The following RAB38 variants were observed in gnomAD, a reference collection of about 807,000 sequenced individuals.
RAB38 encodes ras-related protein Rab-38.
RAB38 carries 15 observed loss-of-function variants against 18.4 expected under a neutral mutation model. That is an observed-to-expected ratio of 0.82 (90% CI 0.55 to 1.26). The LOEUF is 1.26. Ranked by LOEUF, RAB38 falls within the 50% of genes most tolerant of loss-of-function variation. The pLI is 0.00. For missense variants in RAB38, 294 were observed against 267.4 expected (o/e 1.10, Z -0.69); for synonymous variants, 101 against 104.4 (o/e 0.97, Z 0.20).
chr11:87,929,183 T>C, the RAB38 span, among the ~76,000 whole-genome samples: 6 of 152,110 alleles, frequency 3.9e-5, no homozygotes, highest in East Asian at 9.7e-4. Context: ...TAGAGGTAAA[T>C]ACTGTTAACA....
the RAB38 span, among the ~76,000 whole-genome samples, chr11:87,964,923 A>T: frequency 6.6e-6 from 1 of 152,190 alleles, no homozygotes; most frequent in Non-Finnish European, 1.5e-5. Context: ...GCTCACTTGC[A>T]TCCCAATATG....
chr11:88,034,453 G>A, the RAB38 span, among the ~76,000 whole-genome samples: 1 of 152,198 alleles, frequency 6.6e-6, no homozygotes, highest in Non-Finnish European at 1.5e-5. Context: ...GGCTGTAACA[G>A]TTTACATTCC....
At chr11:88,096,484 T>C in the RAB38 span, among the ~76,000 whole-genome samples, 2 of 151,944 alleles carry the variant, frequency 1.3e-5, no homozygotes, top group African/African-American at 4.8e-5. Context: ...GCAAAACTCA[T>C]TAACACCTAA....
the RAB38 span, among the ~76,000 whole-genome samples, chr11:87,940,403 T>A: frequency 6.6e-6 from 1 of 152,096 alleles, no homozygotes; most frequent in Non-Finnish European, 1.5e-5. Context: ...TATCTGTTAC[T>A]AAAATGATCA....
At chr11:88,034,400 G>T in the RAB38 span, among the ~76,000 whole-genome samples, 1 of 152,194 alleles carries the variant, frequency 6.6e-6, no homozygotes, top group South Asian at 2.1e-4. Context: ...TACAGTGGTT[G>T]TATGTTTTAT....
the RAB38 span, among the ~76,000 whole-genome samples, chr11:87,845,687 G>T: frequency 6.6e-6 from 1 of 152,034 alleles, no homozygotes. Context: ...TATAAATTCA[G>T]AATGCTTGGT....
chr11:88,061,203 T>C, the RAB38 span, among the ~76,000 whole-genome samples: 1 of 152,200 alleles, frequency 6.6e-6, no homozygotes, highest in Non-Finnish European at 1.5e-5. Context: ...AATAATGTAT[T>C]CTACTTTGAG....
the RAB38 span, among the ~76,000 whole-genome samples, chr11:87,869,473 G>A: frequency 6.6e-6 from 1 of 151,618 alleles, no homozygotes; most frequent in African/African-American, 2.4e-5. Flanking sequence ...TAGTGCATCT[G>A]TATCCTGTAA....
At chr11:87,854,847 T>G in the RAB38 span, among the ~76,000 whole-genome samples, 3 of 152,052 alleles carry the variant, frequency 2.0e-5, no homozygotes, top group Non-Finnish European at 4.4e-5. Flanking sequence ...CAGGCTGGAG[T>G]GCAGTGGTGT....
At chr11:88,109,601 T>A (rs561602), downstream of RAB38, among the ~76,000 whole-genome samples, 33,324 of 151,808 alleles carry the variant, frequency 0.22, 5,297 homozygotes, top group African/African-American at 0.42. Flanking sequence ...AGAATGGGAG[T>A]AAATTTTTGC....
At chr11:88,013,171 A>G in the RAB38 span, among the ~76,000 whole-genome samples, 2 of 151,946 alleles carry the variant, frequency 1.3e-5, no homozygotes, top group Non-Finnish European at 2.9e-5. Flanking sequence ...AATAATACAG[A>G]ATGAAACTTT....
chr11:87,821,765 C>A, the RAB38 span, among the ~76,000 whole-genome samples: 2 of 151,416 alleles, frequency 1.3e-5, no homozygotes, highest in South Asian at 2.1e-4. Flanking sequence ...GCAGGAGAAT[C>A]GCTTGCACCC....
At chr11:88,081,044 G>A in the RAB38 span, among the ~76,000 whole-genome samples, 18 of 151,940 alleles carry the variant, frequency 1.2e-4, no homozygotes, top group East Asian at 2.9e-3. Flanking sequence ...CTCATTTAAA[G>A]ATTCTCATAA....
At chr11:87,826,159 A>C in the RAB38 span, among the ~76,000 whole-genome samples, 1 of 152,098 alleles carries the variant, frequency 6.6e-6, no homozygotes, top group African/African-American at 2.4e-5. Context: ...TACGAGAATC[A>C]ATGAAAAGTT....
chr11:88,147,901 A>C (rs1943011665), intron 2 of RAB38, among the ~76,000 whole-genome samples: 1 of 152,090 alleles, frequency 6.6e-6, no homozygotes, highest in Admixed American at 6.6e-5. Flanking sequence ...TCAAAAAAAC[A>C]AACAAACAAA....
At chr11:87,868,612 A>AGAGAGAAG in the RAB38 span, among the ~76,000 whole-genome samples, 22 of 144,806 alleles carry the variant, frequency 1.5e-4, no homozygotes, top group African/African-American at 4.9e-4. Flanking sequence ...AGAGAGAGAG[A>AGAGAGAAG]GAGAGAGAGA....
chr11:88,078,544 A>G, the RAB38 span, among the ~76,000 whole-genome samples: 1 of 142,096 alleles, frequency 7.0e-6, no homozygotes, highest in Non-Finnish European at 1.5e-5. Flanking sequence ...ATTAGGCCAT[A>G]AAACAGAAGA....
the RAB38 span, among the ~76,000 whole-genome samples, chr11:87,947,034 A>G: frequency 6.6e-6 from 1 of 152,094 alleles, no homozygotes; most frequent in Non-Finnish European, 1.5e-5. Context: ...CTATTTCTCC[A>G]CATCCTCTCC....
At chr11:88,044,459 AACTTAAAACCTCTTCAACTCACATCTG>A in the RAB38 span, among the ~76,000 whole-genome samples, 1 of 152,080 alleles carries the variant, frequency 6.6e-6, no homozygotes, top group African/African-American at 2.4e-5. Context: ...TGTTCTCAAG[AACTTAAAACCTCTTCAACTCACATCTG>A]ACCTAAAACC....
Sources: allele counts gnomAD v4.1 joint callset (sites outside exome capture counted in the v4.1 genomes callset), GRCh38; gene constraint gnomAD v4.1.1; transcripts MANE v1.5; gene names NCBI Gene and HGNC (gene_info 2026-07-23, HGNC 2026-07-21).